TADA1: variants seen among roughly 807,000 people sequenced by gnomAD.
TADA1 encodes the protein transcriptional adapter 1.
A neutral mutation model predicts 39.3 loss-of-function variants in TADA1; 23 were observed. The observed-to-expected ratio is 0.58, with a 90% CI of 0.42 to 0.83. The LOEUF (loss-of-function observed/expected upper bound fraction) is 0.83. TADA1 is among the 40% of genes least tolerant of loss of function. The probability of loss-of-function intolerance (pLI) is 0.00; values close to 1 mark genes in which losing one functional copy is unlikely to be tolerated. For synonymous variants in TADA1, 137 were observed against 151.8 expected, an observed-to-expected ratio of 0.90 and a Z score of 0.72; for missense variants, 352 against 408.1, an observed-to-expected ratio of 0.86 and a Z score of 1.18.
At chr1:166,867,603 T>A (rs1427927559) in intron 3 of TADA1, among the ~76,000 whole-genome samples, 1 of 151,004 alleles carries the variant, frequency 6.6e-6, no homozygotes, top group African/African-American at 2.4e-5. Context: ...TTTTTTTTTT[T>A]AAACACAGTT....
intron 1 of TADA1, 88 bp downstream of exon 1, chr1:166,876,072 A>G (rs1419791853): frequency 7.6e-7 from 1 of 1,314,972 alleles, no homozygotes; most frequent in East Asian, 2.8e-5. Context: ...CCCCCGGGCG[A>G]CGCGGGCGTC....
chr1:166,858,136 G>T lies in TADA1; in HGVS notation c.838C>A (p.Leu280Ile), dbSNP rs778635630. The change falls in exon 7 of 8, where the codon CTT becomes ATT. Residue 280 changes from leucine to isoleucine, a missense_variant. This residue lies in a region of TADA1 where 285 missense variants were observed against 310.9 expected (regional missense o/e 0.92). Transcript: ENST00000367874. ...ASLPPVNMYD[L>I]FEALQVHREV... ...AGACTTACCTGCAAAGCTTCAAAAA[G>T]ATCGTACATGTTCACCGGAGGCAAA... 6.2e-7 allele frequency: 1 copy of T among 1,614,026 alleles called. No homozygotes were observed. Among genetic ancestry groups the T allele is most frequent in the African/African-American group, 1.3e-5 (1 of 74,920 alleles).
intron 1 of TADA1, among the ~76,000 whole-genome samples, chr1:166,870,459 G>C (rs2101795334): frequency 6.6e-6 from 1 of 152,312 alleles, no homozygotes; most frequent in East Asian, 1.9e-4. Context: ...CCAGTCTGTG[G>C]TACTTTGTTA....
At position 166,858,154 on chromosome 1, in the gene TADA1, G is replaced by C. The variant is rs200057979; in HGVS notation, c.820C>G (p.Pro274Ala). The C allele has an allele frequency of 2.5e-6, 4 of 1,614,170 alleles. No individual in the cohort carries two copies. Among genetic ancestry groups the C allele is most frequent in the Non-Finnish European group, 3.4e-6 (4 of 1,180,030 alleles). ...SGDTLPASLP[P>A]VNMYDLFEAL... ...TCAAAAAGATCGTACATGTTCACCG[G>C]AGGCAAAGATGCAGGTAGAGTGTCT... is the stretch of plus-strand genomic sequence containing the variant. Residue 274 changes from proline (P) to alanine (A), a missense_variant, in exon 7 of 8, where the codon CCG becomes GCG. Physicochemically the swap from Pro to Ala is conservative, Grantham distance 27. Coordinates refer to ENST00000367874, the MANE Select transcript of TADA1 (RefSeq NM_053053.4).
intron 3 of TADA1, among the ~76,000 whole-genome samples, chr1:166,866,372 G>A (rs1658535911): frequency 2.6e-5 from 4 of 152,118 alleles, no homozygotes; most frequent in Admixed American, 2.0e-4. Flanking sequence ...CTACCATGCA[G>A]AATTGTTGTG....
chr1:166,866,708 G>T lies in TADA1; in HGVS notation c.232+2737C>A, dbSNP rs75009445. On this transcript the variant is annotated intron_variant, in intron 3 of 7. Transcript: ENST00000367874. The stretch of plus-strand genomic sequence containing the variant: ...ATTAAAATCAGCCACCTGTACTTAC[G>T]AATACCACTTCAACATTTGTTTGGC... Among the ~76,000 whole-genome samples, 542 of 151,672 alleles carry T rather than the reference G, an allele frequency of 3.6e-3. 5 individuals are homozygous for T. Among genetic ancestry groups the T allele is most frequent in the Non-Finnish European group, 6.8e-3 (459 of 67,896 alleles).
At chr1:166,872,263 C>A (rs72705580) in intron 1 of TADA1, among the ~76,000 whole-genome samples, 3,644 of 152,246 alleles carry the variant, frequency 0.024, 121 homozygotes, top group East Asian at 0.1. Context: ...TGTTATCTTT[C>A]CTGGTGGTAA....
Position 166,863,892 on chromosome 1 carries a change from C to A in TADA1, c.262G>T (p.Gly88Cys). 2 of 1,611,036 alleles carry A rather than the reference C, an allele frequency of 1.2e-6. No individual in the cohort carries two copies. Among genetic ancestry groups the A allele is most frequent in the South Asian group, 1.1e-5 (1 of 90,292 alleles). ...GGTTTTCCAGGTTTTGCTGCGGAAC[C>A]CCCTGGCCAAGGCAAAGATCCAGCA... is the stretch of plus-strand genomic sequence containing the variant. ...DGAGSLPWPG[G>C]SAAKPGKPKG... Residue 88 changes from glycine to cysteine, a missense_variant, in exon 4 of 8, where the codon GGT becomes TGT. Gly to Cys is a radical substitution (Grantham distance 159, BLOSUM62 -3). Transcript: ENST00000367874.
rs74123308 is a variant in TADA1, at chr1:166,869,963, T to C, written c.75-109A>G. The C allele has an allele frequency of 3.9e-3, 3,389 of 865,314 alleles. 20 individuals carry two copies. Among genetic ancestry groups the C allele is most frequent in the African/African-American group, 0.024 (1,450 of 59,260 alleles). The allele number at this position is 865,314 out of a possible 1,614,324, so 53.6% of individuals were successfully genotyped here. A position where few individuals can be genotyped will look rare whatever the true frequency, so the allele number is the denominator to read the frequency against. On this transcript the variant is annotated intron_variant, in intron 1 of 7. Transcript: ENST00000367874. ...GGGTTTTTTATTCTGTCACTCAGGCTGGAGTGCAGGGGAACAATCAGAGCT... is the reference window on the plus strand; with the variant it reads ...GGGTTTTTTATTCTGTCACTCAGGCCGGAGTGCAGGGGAACAATCAGAGCT...
chr1:166,865,024 C>G (rs1363944066), intron 3 of TADA1, among the ~76,000 whole-genome samples: 1 of 151,554 alleles, frequency 6.6e-6, no homozygotes, highest in Non-Finnish European at 1.5e-5. Flanking sequence ...ATGAAAAGGA[C>G]AATAATTAAT....
chr1:166,870,902 G>A (rs1658644100), intron 1 of TADA1, among the ~76,000 whole-genome samples: 1 of 152,140 alleles, frequency 6.6e-6, no homozygotes, highest in South Asian at 2.1e-4. Flanking sequence ...AACTATTATA[G>A]CTATACCCTT....
At chr1:166,871,731 T>C (rs1658664292) in intron 1 of TADA1, among the ~76,000 whole-genome samples, 1 of 152,120 alleles carries the variant, frequency 6.6e-6, no homozygotes, top group African/African-American at 2.4e-5. Context: ...CAGTGGACAC[T>C]TTTATACATT....
chr1:166,857,874 A>C (rs567003154), intron 7 of TADA1, among the ~76,000 whole-genome samples, 155 bp from the exon 8 acceptor site: 3 of 152,378 alleles, frequency 2.0e-5, no homozygotes, highest in Admixed American at 2.0e-4. Flanking sequence ...ATAAGGAAAT[A>C]ACAAGCTTCT....
At chr1:166,858,326 G>A (rs776615199) in intron 6 of TADA1, 45 bp from the exon 7 acceptor site, 24 of 1,449,456 alleles carry the variant, frequency 1.7e-5, no homozygotes, top group Non-Finnish European at 2.2e-5. Flanking sequence ...AGAGACAACT[G>A]AGCAACAAGG....
chr1:166,865,579 C>G (rs992331983), intron 3 of TADA1, among the ~76,000 whole-genome samples: 1 of 151,808 alleles, frequency 6.6e-6, no homozygotes, highest in Admixed American at 6.6e-5. Flanking sequence ...TTTGGGAGGC[C>G]GAGGCGGGCA....
chr1:166,859,802 C>A (rs1233647030), intron 6 of TADA1, among the ~76,000 whole-genome samples: 2 of 151,910 alleles, frequency 1.3e-5, no homozygotes, highest in Admixed American at 6.6e-5. Flanking sequence ...CACCAAGACA[C>A]CCAGCTGTGA....
chr1:166,860,130 A>C, intron 6 of TADA1, 56 bp downstream of exon 6: 1 of 1,509,712 alleles, frequency 6.6e-7, no homozygotes, highest in Non-Finnish European at 9.0e-7. Context: ...GGTCTATAAG[A>C]GGAGTATAAA....
rs776839270 is a variant in TADA1 at position 166,869,833 on chromosome 1, C to T, written c.96G>A (p.Leu32=). 1.2e-6 allele frequency: 2 copies of T among 1,613,998 alleles called. No homozygotes were observed. The highest frequency in any genetic ancestry group is 2.2e-5 in the East Asian group (1 of 44,828). The change falls in exon 2 of 8, where the codon CTG becomes CTA. Residue 32 remains leucine, a synonymous_variant. Coordinates refer to ENST00000367874, the MANE Select transcript of TADA1 (RefSeq NM_053053.4). ...CTTTGCTGATCTTCTGCTTGAACCACAGCTTTAGGTTAGCCCAGTATCTGC... is the reference window on the plus strand; with the variant it reads ...CTTTGCTGATCTTCTGCTTGAACCATAGCTTTAGGTTAGCCCAGTATCTGC... ...NVKQYWANLK[L]WFKQKISKEE... is the part of the protein sequence containing the mutation.
intron 5 of TADA1, among the ~76,000 whole-genome samples, chr1:166,861,388 G>A (rs918367362): frequency 3.3e-5 from 5 of 152,196 alleles, no homozygotes; most frequent in Non-Finnish European, 2.9e-5. Context: ...AAGTACAGAT[G>A]AAGAAAATAG....
Sources: allele counts gnomAD v4.1 joint callset (sites outside exome capture counted in the v4.1 genomes callset), GRCh38; gene constraint gnomAD v4.1.1; regional missense constraint gnomAD v4.1.1; transcripts MANE v1.5; gene names NCBI Gene and HGNC (gene_info 2026-07-23, HGNC 2026-07-21).